The following LYG1 variants were observed in gnomAD, a reference collection of about 807,000 sequenced individuals.
The protein encoded by LYG1 is lysozyme g1, also known as lysozyme g-like protein 1.
LYG1 carries 17 observed loss-of-function variants against 21.7 expected under a neutral mutation model. That is an observed-to-expected ratio of 0.78 (90% confidence interval 0.54 to 1.18). The LOEUF (loss-of-function observed/expected upper bound fraction) is 1.18. Ranked by LOEUF, LYG1 falls within the 50% of genes most tolerant of loss-of-function variation. The pLI, the probability that LYG1 is intolerant of heterozygous loss-of-function variation, is 0.00. For missense variants in LYG1, 211 were observed against 238.1 expected (o/e 0.89, Z 0.75); for synonymous variants, 81 against 87.4 (o/e 0.93, Z 0.41).
chr2:99,300,161 G>A (rs761851036), intron 1 of LYG1, among the ~76,000 whole-genome samples: 7 of 151,930 alleles, frequency 4.6e-5, no homozygotes, highest in Non-Finnish European at 1.0e-4. Flanking sequence ...AAGCTGTTAC[G>A]CTGCGTAGAG....
intron 4 of LYG1, among the ~76,000 whole-genome samples, chr2:99,292,125 A>G (rs1444027703): frequency 6.6e-6 from 1 of 152,064 alleles, no homozygotes; most frequent in African/African-American, 2.4e-5. Context: ...CATCTCTACT[A>G]AAAATACAAA....
At chr2:99,294,165 C>T (rs888885096) in intron 3 of LYG1, among the ~76,000 whole-genome samples, 8 of 152,260 alleles carry the variant, frequency 5.3e-5, no homozygotes, top group African/African-American at 1.7e-4. Context: ...TTGCCCGCCT[C>T]GACCTCCCAA....
chr2:99,288,028 T>G (rs2094106514), intron 5 of LYG1, among the ~76,000 whole-genome samples: 2 of 152,156 alleles, frequency 1.3e-5, no homozygotes, highest in South Asian at 4.1e-4. Context: ...TTCTATATCT[T>G]TGCTGGTTTG....
intron 1 of LYG1, among the ~76,000 whole-genome samples, chr2:99,299,219 G>A (rs1383137603): frequency 2.0e-5 from 3 of 150,950 alleles, no homozygotes; most frequent in Non-Finnish European, 2.9e-5. Flanking sequence ...GAGCCACCGC[G>A]CCCAGCCCCT....
intron 2 of LYG1, among the ~76,000 whole-genome samples, chr2:99,296,179 C>T (rs540071692): frequency 1.3e-5 from 2 of 152,230 alleles, no homozygotes; most frequent in South Asian, 4.2e-4. Context: ...TCCTCAGTGC[C>T]CTGGAATGTA....
At chr2:99,292,460 C>T in intron 4 of LYG1, 76 bp downstream of exon 4, 1 of 1,125,778 alleles carries the variant, frequency 8.9e-7, no homozygotes, top group Non-Finnish European at 1.3e-6. Flanking sequence ...GAACTCTTTC[C>T]AACACTCAGT....
At chr2:99,303,477 G>C (rs1233319353), upstream of LYG1, among the ~76,000 whole-genome samples, 1 of 151,988 alleles carries the variant, frequency 6.6e-6, no homozygotes, top group Non-Finnish European at 1.5e-5. Flanking sequence ...GCCTCTCTAT[G>C]ATGACTTCCA....
At chr2:99,298,426 G>A (rs2094143891) in intron 2 of LYG1, 33 bp downstream of exon 2, 1 of 152,254 alleles carries the variant, frequency 6.6e-6, no homozygotes, top group Non-Finnish European at 1.5e-5. Flanking sequence ...CATGTTCCTG[G>A]TGGCTTTGAT....
intron 1 of LYG1, among the ~76,000 whole-genome samples, chr2:99,299,663 A>C (rs1386678674): frequency 6.6e-6 from 1 of 151,744 alleles, no homozygotes; most frequent in African/African-American, 2.4e-5. Flanking sequence ...GGGCTCAAGC[A>C]ATCTGCCTGC....
intron 3 of LYG1, 103 bp downstream of exon 3, chr2:99,295,525 A>G: frequency 7.1e-7 from 1 of 1,403,214 alleles, no homozygotes. Flanking sequence ...TTAGGGAAAA[A>G]ATAATCTTTT....
At chr2:99,299,771 TG>T (rs1466401878) in intron 1 of LYG1, among the ~76,000 whole-genome samples, 2 of 151,814 alleles carry the variant, frequency 1.3e-5, no homozygotes, top group African/African-American at 4.8e-5. Flanking sequence ...TTTTAATTTT[TG>T]TTTTTTTAAA....
At chr2:99,298,183 T>A (rs1269449908) in intron 2 of LYG1, among the ~76,000 whole-genome samples, 1 of 152,228 alleles carries the variant, frequency 6.6e-6, no homozygotes, top group Non-Finnish European at 1.5e-5. Flanking sequence ...CAGTTCCCTA[T>A]GACTCATTTG....
intron 3 of LYG1, among the ~76,000 whole-genome samples, chr2:99,295,348 T>A (rs1449882009): frequency 2.6e-5 from 4 of 152,216 alleles, no homozygotes. Flanking sequence ...TGGCATTTTT[T>A]ATAGTGGACA....
upstream of LYG1, chr2:99,304,696 T>C (rs1267478960): frequency 6.6e-6 from 1 of 152,184 alleles, no homozygotes; most frequent in African/African-American, 2.4e-5. Context: ...GTTCCAACAC[T>C]TTAGGAGGTC....
Position 99,299,284 on chromosome 2 carries a change from C to CT in LYG1, c.-123-736dup, listed in dbSNP as rs759326268. ...TTTTTCTTTTTCTTTTTCTTTTTTT[C>CT]TTTTTTTTTTTTTTTTAATCGAGAC... is the stretch of plus-strand genomic sequence containing the variant. On this transcript the variant is annotated intron_variant, in intron 1 of 6. Coordinates refer to ENST00000308528, the MANE Select transcript of LYG1 (RefSeq NM_174898.3). Among the ~76,000 whole-genome samples, 735 of 124,618 alleles carry CT rather than the reference C, an allele frequency of 5.9e-3. 3 individuals are homozygous for CT. The highest frequency in any genetic ancestry group is 7.9e-3 in the Non-Finnish European group (459 of 57,994). The allele number at this position is 124,618 out of a possible 152,430, so 81.8% of individuals were successfully genotyped here. A position where few individuals can be genotyped will look rare whatever the true frequency, so the allele number is the denominator to read the frequency against.
chr2:99,303,545 C>T (rs1276154525), upstream of LYG1, among the ~76,000 whole-genome samples: 1 of 152,118 alleles, frequency 6.6e-6, no homozygotes, highest in African/African-American at 2.4e-5. Flanking sequence ...CTGAGGAGGT[C>T]GTTCTCCATC....
chr2:99,285,626 C>A (rs1418582554), intron 5 of LYG1, among the ~76,000 whole-genome samples: 1 of 152,230 alleles, frequency 6.6e-6, no homozygotes, highest in Non-Finnish European at 1.5e-5. Context: ...ACAGCAATAA[C>A]CATCCCCTCT....
intron 5 of LYG1, among the ~76,000 whole-genome samples, chr2:99,286,064 T>C (rs1447622461): frequency 1.3e-5 from 2 of 152,088 alleles, no homozygotes; most frequent in East Asian, 1.9e-4. Context: ...CTGGTGGCTT[T>C]ATAAGAAGAG....
intron 1 of LYG1, among the ~76,000 whole-genome samples, chr2:99,299,018 G>A (rs1364319575): frequency 2.0e-5 from 3 of 151,126 alleles, no homozygotes; most frequent in Non-Finnish European, 4.4e-5. Context: ...TGCAACCTCC[G>A]CCTCTTGAAT....
Sources: gnomAD v4.1 joint callset for allele counts (sites outside exome capture counted in the v4.1 genomes callset) on GRCh38, gnomAD v4.1.1 for gene constraint, MANE v1.5 for transcripts, NCBI Gene and HGNC (gene_info 2026-07-23, HGNC 2026-07-21) for gene names.